Variants in LRRC4C observed in about 807,000 individuals in gnomAD.
LRRC4C encodes the protein leucine rich repeat containing 4C.
LRRC4C carries 5 observed loss-of-function variants against 33.6 expected under a neutral mutation model. The ratio of observed to expected loss-of-function variants is 0.15; its 90% CI spans 0.08 to 0.31. The LOEUF (loss-of-function observed/expected upper bound fraction) is 0.31, where lower values mean the gene tolerates loss of function less well. LRRC4C is among the 10% of genes least tolerant of loss of function. The probability of loss-of-function intolerance (pLI) is 1.00; values close to 1 mark genes in which losing one functional copy is unlikely to be tolerated. For missense variants in LRRC4C, 560 were observed against 796.7 expected (o/e 0.70, Z 3.58); for synonymous variants, 329 against 302.0 (o/e 1.09, Z -0.93).
intron 2 of LRRC4C, among the ~76,000 whole-genome samples, chr11:40,913,811 A>G (rs1235327323): frequency 2.6e-5 from 4 of 152,216 alleles, no homozygotes; most frequent in African/African-American, 7.2e-5. Context: ...TAAGACTAAT[A>G]AAGAAGAAAA....
chr11:41,398,831 A>T (rs1171786750), intron 1 of LRRC4C, among the ~76,000 whole-genome samples: 2 of 151,884 alleles, frequency 1.3e-5, no homozygotes, highest in African/African-American at 4.8e-5. Context: ...TCTAAGTTTG[A>T]TGTTTAAGAT....
chr11:40,723,239 T>C (rs1286832080), intron 2 of LRRC4C, among the ~76,000 whole-genome samples: 1 of 151,706 alleles, frequency 6.6e-6, no homozygotes, highest in African/African-American at 2.4e-5. Flanking sequence ...AACAGGGGAA[T>C]ATGAAGAATT....
chr11:40,990,570 C>T (rs1319184494), intron 1 of LRRC4C, among the ~76,000 whole-genome samples: 1 of 151,962 alleles, frequency 6.6e-6, no homozygotes, highest in Admixed American at 6.6e-5. Flanking sequence ...CCTAGATCCT[C>T]TTAGGGATCC....
chr11:41,149,227 C>T (rs910903039), intron 1 of LRRC4C, among the ~76,000 whole-genome samples: 2 of 151,998 alleles, frequency 1.3e-5, no homozygotes, highest in Non-Finnish European at 2.9e-5. Flanking sequence ...GGGCTGAGGC[C>T]GGGTGCGGTG....
chr11:41,399,317 T>G lies in LRRC4C; in HGVS notation c.-496+60114A>C, dbSNP rs561260181. ...CACAGCAGAGGGGTGAAAACGCAAC[T>G]TTTTGTTAGAAGTATGTTCATTTTC... On this transcript the variant is annotated intron_variant, in intron 1 of 6. Transcript: ENST00000528697. 2.6e-5 allele frequency among the ~76,000 whole-genome samples: 4 copies of G among 152,046 alleles called. No individual in the cohort carries two copies. In the South Asian group the frequency reaches 8.3e-4, roughly 32 times the overall value.
At chr11:41,216,794 C>T (rs1197581147) in intron 1 of LRRC4C, among the ~76,000 whole-genome samples, 1 of 151,744 alleles carries the variant, frequency 6.6e-6, no homozygotes, top group African/African-American at 2.4e-5. Flanking sequence ...GCATGATCTC[C>T]TCTTTCTCAA....
At chr11:40,133,801 T>C (rs533518269) in intron 6 of LRRC4C, among the ~76,000 whole-genome samples, 46 of 152,172 alleles carry the variant, frequency 3.0e-4, no homozygotes, top group African/African-American at 1.0e-3. Flanking sequence ...CTAGGGGATA[T>C]GTAGATTTGA....
At chr11:41,161,697 A>G (rs1455876389) in intron 1 of LRRC4C, among the ~76,000 whole-genome samples, 1 of 152,236 alleles carries the variant, frequency 6.6e-6, no homozygotes, top group Admixed American at 6.5e-5. Context: ...CTCTTGTTTT[A>G]TGTTGAGTCT....
At chr11:40,907,401 G>T (rs965558794) in intron 2 of LRRC4C, among the ~76,000 whole-genome samples, 34 of 152,172 alleles carry the variant, frequency 2.2e-4, no homozygotes, top group Middle Eastern at 3.4e-3. Flanking sequence ...AACATAATGG[G>T]GCAATCATTA....
chr11:41,288,568 A>C (rs1389026329), intron 1 of LRRC4C, among the ~76,000 whole-genome samples: 3 of 152,200 alleles, frequency 2.0e-5, no homozygotes, highest in African/African-American at 7.2e-5. Flanking sequence ...TTAGTAAATA[A>C]GTAGTTGCAT....
intron 4 of LRRC4C, among the ~76,000 whole-genome samples, chr11:40,252,233 T>G (rs2136187824): frequency 6.6e-6 from 1 of 151,442 alleles, no homozygotes; most frequent in South Asian, 2.1e-4. Flanking sequence ...ATACTCACAC[T>G]CACCTAACTC....
At chr11:40,247,168 T>C (rs2060856) in intron 4 of LRRC4C, among the ~76,000 whole-genome samples, 117,114 of 151,910 alleles carry the variant, frequency 0.77, 49,185 homozygotes, top group East Asian at 0.95. Context: ...CCATGTCTAC[T>C]ATCGGCATCA....
intron 3 of LRRC4C, among the ~76,000 whole-genome samples, chr11:40,356,357 G>C (rs12791157): frequency 6.6e-6 from 1 of 151,956 alleles, no homozygotes; most frequent in Non-Finnish European, 1.5e-5. Context: ...AAAGGATTAC[G>C]TGGGACATAG....
intron 2 of LRRC4C, among the ~76,000 whole-genome samples, chr11:40,783,491 T>C (rs1019704249): frequency 5.3e-5 from 8 of 151,858 alleles, no homozygotes; most frequent in African/African-American, 1.9e-4. Flanking sequence ...TTATTTTTAG[T>C]AGAAATGAGG....
intron 1 of LRRC4C, among the ~76,000 whole-genome samples, chr11:41,233,674 T>C (rs1359016340): frequency 6.6e-6 from 1 of 152,066 alleles, no homozygotes; most frequent in Admixed American, 6.6e-5. Flanking sequence ...TTTTTATTTA[T>C]GCAAATATGA....
In LRRC4C at chr11:40,665,640, C is replaced by CATAGAAA. The variant is rs373180965; in HGVS notation, c.-406-17369_-406-17363dup. ...GTAGAGAACTGAAAAGAAAACAGAACATAGAAAATAGAAAGTCATTTATAC... is the reference window on the plus strand; with the variant it reads ...GTAGAGAACTGAAAAGAAAACAGAACATAGAAAATAGAAAATAGAAAGTCATTTATAC... On this transcript the variant is annotated intron_variant, in intron 2 of 6. Coordinates refer to ENST00000528697, the MANE Select transcript of LRRC4C (RefSeq NM_001258419.2). 7.3e-5 allele frequency among the ~76,000 whole-genome samples: 11 copies of CATAGAAA among 151,610 alleles called. No individual in the cohort carries two copies. In the East Asian group the frequency reaches 7.8e-4, roughly 11 times the overall value.
intron 1 of LRRC4C, among the ~76,000 whole-genome samples, chr11:41,386,841 C>T (rs536737410): frequency 6.6e-6 from 1 of 151,754 alleles, no homozygotes; most frequent in East Asian, 1.9e-4. Context: ...TAGAAATCAC[C>T]CAAGTATGTA....
intron 4 of LRRC4C, among the ~76,000 whole-genome samples, chr11:40,306,924 C>A (rs1480071969): frequency 1.5e-5 from 2 of 136,670 alleles, no homozygotes; most frequent in Admixed American, 7.4e-5. Flanking sequence ...AATAGTACAA[C>A]CTCACAAGGT....
chr11:40,399,143 T>G (rs921195907), intron 3 of LRRC4C, among the ~76,000 whole-genome samples: 29 of 151,950 alleles, frequency 1.9e-4, no homozygotes, highest in Non-Finnish European at 2.9e-4. Context: ...ACCAATAGTG[T>G]CCATAGAAAT....
Sources: allele counts gnomAD v4.1 joint callset (sites outside exome capture counted in the v4.1 genomes callset), GRCh38; gene constraint gnomAD v4.1.1; transcripts MANE v1.5; gene names NCBI Gene and HGNC (gene_info 2026-07-23, HGNC 2026-07-21).